The following RRBP1 variants were observed in gnomAD, a reference collection of about 807,000 sequenced individuals.
RRBP1 encodes the protein ribosome binding protein 1, also known as ribosome-binding protein 1.
RRBP1 carries 94 observed loss-of-function variants against 165.2 expected under a neutral mutation model. The observed-to-expected ratio is 0.57, with a 90% confidence interval of 0.48 to 0.68. RRBP1 has a LOEUF of 0.68. Ranked by LOEUF, RRBP1 falls within the 30% of genes least tolerant of loss-of-function variation. The pLI is 0.00. For synonymous variants in RRBP1, 680 were observed against 714.5 expected (o/e 0.95, Z 0.77); for missense variants, 1,676 against 1,763.0 (o/e 0.95, Z 0.88).
chr20:17,643,469 C>CT lies in RRBP1; in HGVS notation c.1913-343dup, dbSNP rs374856833. Among the ~76,000 whole-genome samples the CT allele has an allele frequency of 1.3e-5, 2 of 151,890 alleles. No homozygotes were observed. Among genetic ancestry groups the CT allele is most frequent in the Admixed American group, 6.6e-5 (1 of 15,244 alleles). On this transcript the variant is annotated intron_variant, in intron 3 of 24. Transcript: ENST00000377813. This position sits in a 1 kb window ranked among gnomAD's most constrained non-coding sequence, Gnocchi z 4.3. ...TTTTTCCATAGGCTTTTCTCCCTTC[C>CT]TTTTTTTTCTCGCAAATGCACTGGT...
In RRBP1 at chr20:17,658,806, T is replaced by G. The variant is rs773539613; in HGVS notation, c.1702A>C (p.Lys568Gln). ...TKVEGITNQG[K>Q]KAEGSPSEGK... Reference sequence around the variant, plus strand: ...TCACTGGGGGACCCTTCTGCTTTTTTCCCCTGGTTTGTAATACCCTCTACC... The same window carrying G: ...TCACTGGGGGACCCTTCTGCTTTTTGCCCCTGGTTTGTAATACCCTCTACC... The change falls in exon 3 of 25, where the codon AAA becomes CAA. Residue 568 changes from lysine to glutamine, a missense_variant. Around this residue, in one of 5 missense-constraint regions of RRBP1, gnomAD observed 1,184 missense variants for 1,167.1 expected, o/e 1.01. Transcript: ENST00000377813. 5.0e-6 allele frequency: 8 copies of G among 1,613,944 alleles called. No individual in the cohort carries two copies. In the African/African-American group the frequency reaches 6.7e-5, roughly 13 times the overall value.
intron 10 of RRBP1, 34 bp downstream of exon 10, chr20:17,627,470 C>T (rs377438870): frequency 1.9e-6 from 3 of 1,605,992 alleles, no homozygotes; most frequent in African/African-American, 1.3e-5. Context: ...ATGGAGTTCC[C>T]TTTCCTCCCC....
At chr20:17,628,296 A>C (rs2036072002) in intron 9 of RRBP1, among the ~76,000 whole-genome samples, 1 of 152,144 alleles carries the variant, frequency 6.6e-6, no homozygotes, top group African/African-American at 2.4e-5. Flanking sequence ...CTAGTTAGAC[A>C]ACGCAAACCC....
At chr20:17,624,728 T>A in intron 12 of RRBP1, 60 bp from the exon 13 acceptor site, 1 of 1,268,384 alleles carries the variant, frequency 7.9e-7, no homozygotes, top group Non-Finnish European at 1.1e-6. Context: ...CTGCCTAAGC[T>A]GGTGTCAGAC....
At chr20:17,657,962 G>C (rs897973811) in intron 3 of RRBP1, among the ~76,000 whole-genome samples, 1 of 152,174 alleles carries the variant, frequency 6.6e-6, no homozygotes, top group African/African-American at 2.4e-5. Flanking sequence ...CAAGAACATC[G>C]AACAGGCTGA....
intron 2 of RRBP1, among the ~76,000 whole-genome samples, chr20:17,675,260 AAT>A (rs2037056554): frequency 6.6e-6 from 1 of 152,242 alleles, no homozygotes. Context: ...TTGGCTCTGG[AAT>A]ATGTTTTTGT....
intron 20 of RRBP1, among the ~76,000 whole-genome samples, chr20:17,618,029 G>T (rs1346977439): frequency 6.6e-6 from 1 of 151,734 alleles, no homozygotes; most frequent in Non-Finnish European, 1.5e-5. Flanking sequence ...CACCTGCACA[G>T]GCAGAGCTCC....
At chr20:17,681,322 G>T (rs1202823763) in intron 1 of RRBP1, among the ~76,000 whole-genome samples, 1 of 145,832 alleles carries the variant, frequency 6.9e-6, no homozygotes, top group African/African-American at 2.5e-5. Flanking sequence ...GCAGGGAGCC[G>T]CCTCCCGCAC....
At position 17,659,513 on chromosome 20, in the gene RRBP1, G is replaced by C. The variant is rs1356834643; in HGVS notation, c.995C>G (p.Ala332Gly). 1.9e-6 allele frequency: 3 copies of C among 1,543,440 alleles called. No homozygotes were observed. Among genetic ancestry groups the C allele is most frequent in the Non-Finnish European group, 8.7e-7 (1 of 1,145,260 alleles). Residue 332 changes from alanine to glycine, a missense_variant, in exon 3 of 25, where the codon GCC (alanine) becomes GGC (glycine). Around this residue, in one of 5 missense-constraint regions of RRBP1, gnomAD observed 78 missense variants for 115.6 expected, o/e 0.67. Coordinates refer to ENST00000377813, the MANE Select transcript of RRBP1 (RefSeq NM_001365613.2). ...GEGAQNQGKK[A>G]EGAQNQGKKA... ...CTTGCCCTGATTCTGGGCCCCCTCG[G>C]CCTTCTTGCCCTGGTTCTGGGCCCC...
chr20:17,660,095 T>A lies in RRBP1; in HGVS notation c.413A>T (p.Asp138Val). 1 of 1,614,094 alleles carries A rather than the reference T, an allele frequency of 6.2e-7. No individual in the cohort carries two copies. The highest frequency in any genetic ancestry group is 1.1e-5 in the South Asian group (1 of 91,076). ...CACTTTTTTCTCCTTCTTCTTTTTG[T>A]CCTTGGGGGAGGAGGCCAGCTTCTC... ...PQEKLASSPK[D>V]KKKKEKKVAK... Residue 138 changes from aspartate to valine, a missense_variant, in exon 3 of 25, where the codon GAC becomes GTC. Asp to Val is a radical substitution (Grantham distance 152, BLOSUM62 -3). Transcript: ENST00000377813.
At chr20:17,623,180 C>G (rs1378523414) in intron 13 of RRBP1, 1 of 152,272 alleles carries the variant, frequency 6.6e-6, no homozygotes, top group Non-Finnish European at 1.5e-5. Context: ...GCCAGACAGT[C>G]TCTGAGGTCA....
Position 17,616,138 on chromosome 20 carries a change from T to C in RRBP1, c.3868-129A>G, listed in dbSNP as rs368119358. ...TTTCCCTGCCCCAACGCTCCCCTCGTTGGGGAGAGGGCACCTCAGCCCCTG... is the reference window on the plus strand; with the variant it reads ...TTTCCCTGCCCCAACGCTCCCCTCGCTGGGGAGAGGGCACCTCAGCCCCTG... On this transcript the variant is annotated intron_variant, in intron 21 of 24. Transcript: ENST00000377813. 809 of 751,874 alleles carry C rather than the reference T, an allele frequency of 1.1e-3. 6 individuals are homozygous for C. Among genetic ancestry groups the C allele is most frequent in the South Asian group, 9.5e-3 (507 of 53,204 alleles). The allele number at this position is 751,874 out of a possible 1,614,324, so 46.6% of individuals were successfully genotyped here.
intron 3 of RRBP1, among the ~76,000 whole-genome samples, chr20:17,658,091 A>C (rs2036678634): frequency 6.6e-6 from 1 of 152,134 alleles, no homozygotes; most frequent in Non-Finnish European, 1.5e-5. Context: ...CATATGTTTA[A>C]GACATGCCAA....
At chr20:17,616,526 T>TCCA (rs1457441410) in intron 21 of RRBP1, among the ~76,000 whole-genome samples, 1 of 152,040 alleles carries the variant, frequency 6.6e-6, no homozygotes, top group African/African-American at 2.4e-5. Flanking sequence ...CCCCAACTCC[T>TCCA]CCAGCCTCTC....
intron 5 of RRBP1, among the ~76,000 whole-genome samples, chr20:17,640,195 A>C (rs2036326231): frequency 6.6e-6 from 1 of 152,214 alleles, no homozygotes; most frequent in South Asian, 2.1e-4. Flanking sequence ...AGATGCAGCC[A>C]GGTGATGCCT....
chr20:17,628,856 A>G (rs2036087706), intron 9 of RRBP1, among the ~76,000 whole-genome samples: 1 of 152,216 alleles, frequency 6.6e-6, no homozygotes, highest in Non-Finnish European at 1.5e-5. Context: ...AGTGATATCA[A>G]TGAAGCTTTC....
In RRBP1 at chr20:17,658,576, TAAAG is replaced by T; in HGVS notation, c.1912+16_1912+19del. On this transcript the variant is annotated intron_variant, in intron 3 of 24. Coordinates refer to ENST00000377813, the MANE Select transcript of RRBP1 (RefSeq NM_001365613.2). ...AAGACAGCCTTTCCTTCTAAGTTCA[TAAAG>T]AAATCAGTTACTTACCAGGCTCACC... 1.3e-6 allele frequency: 2 copies of T among 1,562,224 alleles called. No homozygotes were observed. The highest frequency in any genetic ancestry group is 2.4e-5 in the South Asian group (2 of 83,880).
chr20:17,658,797 C>A lies in RRBP1; in HGVS notation c.1711G>T (p.Glu571Ter), dbSNP rs772665603. Reference protein sequence around the residue: ...EGITNQGKKAEGSPSEGKKAE... With the variant: ...EGITNQGKKA ...TTTTTGCCTTCACTGGGGGACCCTT[C>A]TGCTTTTTTCCCCTGGTTTGTAATA... The change falls in exon 3 of 25, where the codon GAA becomes TAA. Residue 571 changes from glutamate (E) to a stop codon, truncating the protein, a stop_gained. Coordinates refer to ENST00000377813, the MANE Select transcript of RRBP1 (RefSeq NM_001365613.2). LOFTEE classifies it high-confidence loss of function. The A allele has an allele frequency of 6.2e-7, 1 of 1,614,038 alleles. No homozygotes were observed.
At chr20:17,664,367 T>C (rs2036827556) in intron 2 of RRBP1, among the ~76,000 whole-genome samples, 2 of 152,214 alleles carry the variant, frequency 1.3e-5, no homozygotes, top group Non-Finnish European at 2.9e-5. Flanking sequence ...AAATTTTCCA[T>C]TTAATATTGT....
Sources: gnomAD v4.1 joint callset for allele counts (sites outside exome capture counted in the v4.1 genomes callset) on GRCh38, gnomAD v4.1.1 for gene constraint, gnomAD v4.1.1 regional missense constraint, Gnocchi (gnomAD v3.1) non-coding constraint, MANE v1.5 for transcripts, NCBI Gene and HGNC (gene_info 2026-07-23, HGNC 2026-07-21) for gene names.